CIT: variants seen among roughly 807,000 people sequenced by gnomAD.
CIT encodes the protein citron rho-interacting serine/threonine kinase.
CIT carries 79 observed loss-of-function variants against 272.7 expected under a neutral mutation model. That is an observed-to-expected ratio of 0.29 (90% CI 0.24 to 0.35). CIT has a LOEUF of 0.35. Ranked by LOEUF, CIT falls within the 10% of genes least tolerant of loss-of-function variation. The probability of loss-of-function intolerance (pLI) is 1.00; values close to 1 mark genes in which losing one functional copy is unlikely to be tolerated. For synonymous variants in CIT, 948 were observed against 995.6 expected (o/e 0.95, Z 0.90); for missense variants, 1,909 against 2,618.3 (o/e 0.73, Z 5.91).
chr12:119,726,385 A>ATTTTTTTTTTTTTTTTTTTTTTTTTTTT lies in CIT; in HGVS notation c.3591+2116_3591+2117insAAAAAAAAAAAAAAAAAAAAAAAAAAAA, dbSNP rs3999547. ...AACTGCACACCACCACACTTGGCTA[A>ATTTTTTTTTTTTTTTTTTTTTTTTTTTT]TTTTTTTTTTTTTTTTTTTTTTTTT... On this transcript the variant is annotated intron_variant, in intron 28 of 47. Coordinates refer to ENST00000392521, the MANE Select transcript of CIT (RefSeq NM_001206999.2). 3.0e-5 allele frequency among the ~76,000 whole-genome samples: 3 copies of ATTTTTTTTTTTTTTTTTTTTTTTTTTTT among 101,418 alleles called. 1 individual carries two copies. The highest frequency in any genetic ancestry group is 8.4e-5 in the African/African-American group (2 of 23,826). 66.5% of individuals were successfully genotyped at this position (101,418 alleles called of 152,430 possible).
chr12:119,771,803 C>T (rs1001480340), intron 17 of CIT, among the ~76,000 whole-genome samples: 5 of 152,216 alleles, frequency 3.3e-5, no homozygotes, highest in Non-Finnish European at 1.5e-5. Flanking sequence ...GAACAGGAGA[C>T]GTATGGCTGC....
chr12:119,869,309 G>A (rs986674060), intron 2 of CIT, 108 bp from the exon 3 acceptor site: 21 of 1,059,144 alleles, frequency 2.0e-5, no homozygotes, highest in Non-Finnish European at 1.9e-5. Context: ...AACTGCTCAC[G>A]ACATGCTAAC....
At chr12:119,714,505 C>T (rs1188975487) in intron 32 of CIT, among the ~76,000 whole-genome samples, 171 bp from the exon 33 acceptor site, 1 of 152,004 alleles carries the variant, frequency 6.6e-6, no homozygotes, top group Non-Finnish European at 1.5e-5. Context: ...AAAGGACAAC[C>T]CAATTTTAAA....
At chr12:119,776,521 T>C in intron 14 of CIT, 113 bp from the exon 15 acceptor site, 2 of 1,151,822 alleles carry the variant, frequency 1.7e-6, no homozygotes, top group Non-Finnish European at 2.5e-6. Context: ...AGAATAATGT[T>C]ATCTTCTGTA....
chr12:119,829,468 T>C (rs973154616), intron 7 of CIT, among the ~76,000 whole-genome samples: 4 of 152,150 alleles, frequency 2.6e-5, no homozygotes, highest in African/African-American at 9.7e-5. Context: ...CATAAGCATA[T>C]ACCTGCAGAA....
At chr12:119,776,024 T>G (rs1963712724) in intron 15 of CIT, among the ~76,000 whole-genome samples, 185 bp from the exon 16 acceptor site, 1 of 152,212 alleles carries the variant, frequency 6.6e-6, no homozygotes, top group African/African-American at 2.4e-5. Context: ...CAAAGCTCCA[T>G]GTTGATGATG....
chr12:119,818,833 A>C lies in CIT; in HGVS notation c.1111+3987T>G, dbSNP rs537607103. Among the ~76,000 whole-genome samples, 39 of 152,306 alleles carry C rather than the reference A, an allele frequency of 2.6e-4. No individual in the cohort carries two copies. In the South Asian group the frequency reaches 4.1e-3, roughly 16 times the overall value. ...TTGAGATATGGCAGTCTTGCATAAA[A>C]CGTACAAGTGTGCTGGTTCCGTTGA... On this transcript the variant is annotated intron_variant, in intron 9 of 47. Transcript: ENST00000392521.
At chr12:119,833,304 T>C (rs192228070) in intron 6 of CIT, among the ~76,000 whole-genome samples, 1 of 152,266 alleles carries the variant, frequency 6.6e-6, no homozygotes, top group Non-Finnish European at 1.5e-5. Context: ...AATCATTGTA[T>C]TCCCACAACA....
intron 10 of CIT, among the ~76,000 whole-genome samples, chr12:119,786,714 C>T (rs770096470): frequency 3.9e-5 from 6 of 152,168 alleles, no homozygotes; most frequent in Non-Finnish European, 8.8e-5. Flanking sequence ...CCTCTCTCCC[C>T]GCAGCTCCTG....
chr12:119,739,460 G>A (rs1565968353), intron 24 of CIT, among the ~76,000 whole-genome samples: 1 of 152,080 alleles, frequency 6.6e-6, no homozygotes, highest in Admixed American at 6.5e-5. Context: ...TCCTAGCGGA[G>A]ACAATCTTGG....
intron 5 of CIT, among the ~76,000 whole-genome samples, chr12:119,837,831 C>T (rs1969114451): frequency 6.6e-6 from 1 of 152,190 alleles, no homozygotes. Flanking sequence ...CTTTGGGAGG[C>T]TGAGGCAGTA....
At position 119,752,283 on chromosome 12, in the gene CIT, C is replaced by A. The variant is rs368958815; in HGVS notation, c.2707-36G>T. The stretch of plus-strand genomic sequence containing the variant: ...GAGAGAGAGAGAAAGAGAGATAAAC[C>A]CTTGCTTGGTCTGAACAAAAGAGAA... On this transcript the variant is annotated intron_variant, in intron 22 of 47. Transcript: ENST00000392521. The A allele has an allele frequency of 5.3e-5, 82 of 1,556,072 alleles. No homozygotes were observed. In the African/African-American group the frequency reaches 1.0e-3, roughly 19 times the overall value.
intron 6 of CIT, 54 bp from the exon 7 acceptor site, chr12:119,832,918 G>A: frequency 7.5e-7 from 1 of 1,334,856 alleles, no homozygotes; most frequent in Non-Finnish European, 1.1e-6. Flanking sequence ...CAGCAAGCAA[G>A]TGCTAACCTA....
Position 119,690,208 on chromosome 12 carries a change from G to A in CIT, c.6129C>T (p.Ser2043=). 1 of 1,511,190 alleles carries A rather than the reference G, an allele frequency of 6.6e-7. No individual in the cohort carries two copies. Among genetic ancestry groups the A allele is most frequent in the Non-Finnish European group, 8.8e-7 (1 of 1,139,762 alleles). 93.6% of individuals were successfully genotyped at this position (1,511,190 alleles called of 1,614,324 possible). The change falls in exon 47 of 48, where the codon AGC becomes AGT. Residue 2043 remains serine, a synonymous_variant. Transcript: ENST00000392521. This position sits in a 1 kb window ranked among gnomAD's most constrained non-coding sequence, Gnocchi z 6.0. ...ERSPGRLFED[S]SRGRLPAGAV... ...CTCCCGCAGGCAGCCGGCCCCTGCT[G>A]CTGTCTTCAAACAGCCTCCCGGGGG...
intron 23 of CIT, among the ~76,000 whole-genome samples, chr12:119,744,734 A>AT (rs56732266): frequency 2.0e-5 from 3 of 149,988 alleles, no homozygotes; most frequent in Non-Finnish European, 4.4e-5. Flanking sequence ...AAAAAAAAAA[A>AT]GTCTATAAGA....
At chr12:119,803,612 G>C (rs1354534253) in intron 9 of CIT, 3 of 389,472 alleles carry the variant, frequency 7.7e-6, no homozygotes, top group Non-Finnish European at 1.4e-5. Context: ...TCCCGCCTGG[G>C]GTAAACTGAA....
chr12:119,830,496 T>C (rs1458319603), intron 7 of CIT, among the ~76,000 whole-genome samples: 1 of 152,180 alleles, frequency 6.6e-6, no homozygotes, highest in Non-Finnish European at 1.5e-5. Flanking sequence ...ACTTTGGAAC[T>C]TGATTAGTTT....
At chr12:119,863,684 G>A (rs1227088010) in intron 3 of CIT, among the ~76,000 whole-genome samples, 1 of 151,664 alleles carries the variant, frequency 6.6e-6, no homozygotes. Context: ...ACGCCACCAT[G>A]CCTGGCTAAT....
chr12:119,745,609 G>A (rs887595635), intron 23 of CIT, among the ~76,000 whole-genome samples: 5 of 152,064 alleles, frequency 3.3e-5, no homozygotes, highest in Admixed American at 2.0e-4. Flanking sequence ...CTGGAGAGAT[G>A]GTAAAACAAA....
Sources: allele counts gnomAD v4.1 joint callset (sites outside exome capture counted in the v4.1 genomes callset), GRCh38; gene constraint gnomAD v4.1.1; non-coding constraint Gnocchi (gnomAD v3.1); transcripts MANE v1.5; gene names NCBI Gene and HGNC (gene_info 2026-07-23, HGNC 2026-07-21).